The following KANSL1 variants were observed in gnomAD, a reference collection of about 807,000 sequenced individuals.
The protein encoded by KANSL1 is MLL1/MLL complex subunit KANSL1.
In KANSL1, 22 loss-of-function variants were observed where a neutral mutation model predicts 103.6. That is an observed-to-expected ratio of 0.21 (90% confidence interval 0.15 to 0.30). The LOEUF (loss-of-function observed/expected upper bound fraction) is 0.30. Ranked by LOEUF, KANSL1 falls within the 10% of genes least tolerant of loss-of-function variation. The pLI is 1.00. For synonymous variants in KANSL1, 600 were observed against 527.6 expected (o/e 1.14, Z -1.88); for missense variants, 1,337 against 1,399.8 (o/e 0.96, Z 0.72).
intron 1 of KANSL1, among the ~76,000 whole-genome samples, chr17:46,188,258 C>T (rs1486290187): frequency 6.6e-6 from 1 of 152,250 alleles, no homozygotes; most frequent in Admixed American, 6.5e-5. Context: ...CTAATTCATA[C>T]TGTCTTCTAC....
intron 1 of KANSL1, among the ~76,000 whole-genome samples, chr17:46,208,953 T>G (rs200385081): frequency 3.3e-5 from 5 of 151,972 alleles, no homozygotes; most frequent in African/African-American, 7.3e-5. Context: ...GGCGGATCAT[T>G]TGAGGTCAGG....
At chr17:46,166,744 G>A (rs2046020796) in intron 2 of KANSL1, among the ~76,000 whole-genome samples, 1 of 152,158 alleles carries the variant, frequency 6.6e-6, no homozygotes, top group Non-Finnish European at 1.5e-5. Flanking sequence ...AAAGGTACAA[G>A]CTTAGCTCTA....
chr17:46,036,251 T>C (rs2077146194), intron 10 of KANSL1, among the ~76,000 whole-genome samples: 1 of 152,150 alleles, frequency 6.6e-6, no homozygotes, highest in Non-Finnish European at 1.5e-5. Flanking sequence ...TTTTGTTTTT[T>C]AAAGCTGCTG....
At chr17:46,206,229 A>G (rs2047966092) in intron 1 of KANSL1, among the ~76,000 whole-genome samples, 1 of 152,346 alleles carries the variant, frequency 6.6e-6, no homozygotes, top group Middle Eastern at 3.4e-3. Context: ...AGAAATTTGA[A>G]TAGGAAAAAC....
chr17:46,084,382 C>T (rs1167873908), intron 3 of KANSL1, among the ~76,000 whole-genome samples: 1 of 112,142 alleles, frequency 8.9e-6, no homozygotes, highest in Non-Finnish European at 2.4e-5. Flanking sequence ...GCTCTATCTC[C>T]AACAACAACA....
chr17:46,056,995 G>C (rs2077955071), intron 6 of KANSL1, among the ~76,000 whole-genome samples: 1 of 152,126 alleles, frequency 6.6e-6, no homozygotes, highest in Non-Finnish European at 1.5e-5. Flanking sequence ...AAATCACTGA[G>C]AACCATGAGG....
At chr17:46,087,958 A>G (rs1288813134) in intron 3 of KANSL1, among the ~76,000 whole-genome samples, 1 of 152,238 alleles carries the variant, frequency 6.6e-6, no homozygotes, top group Non-Finnish European at 1.5e-5. Flanking sequence ...AGTGTTGAAT[A>G]GCTGTGCCAT....
rs144077437 is a variant in KANSL1, at chr17:46,048,443, G to A, written c.2020+2090C>T. Among the ~76,000 whole-genome samples, 110 of 152,082 alleles carry A rather than the reference G, an allele frequency of 7.2e-4. 1 individual carries two copies. The East Asian group carries it at 0.019, about 27-fold the overall frequency. On this transcript the variant is annotated intron_variant, in intron 7 of 14. Transcript: ENST00000432791. ...AAATTAGCCAGGCGTGGTGGCATAC[G>A]ACTGTAGTCCCAGCTACTTGGGAGG... is the stretch of plus-strand genomic sequence containing the variant.
intron 2 of KANSL1, among the ~76,000 whole-genome samples, chr17:46,138,572 A>G (rs1023577503): frequency 4.6e-5 from 7 of 152,244 alleles, no homozygotes; most frequent in African/African-American, 1.7e-4. Flanking sequence ...CTGAAGGATA[A>G]CTGTATAATG....
At chr17:46,035,509 C>CT (rs1423545813) in intron 10 of KANSL1, 3 of 152,218 alleles carry the variant, frequency 2.0e-5, no homozygotes, top group African/African-American at 4.8e-5. Flanking sequence ...ATTTCTTTCT[C>CT]TATCAAATCA....
At chr17:46,055,401 G>A (rs765982352) in intron 6 of KANSL1, among the ~76,000 whole-genome samples, 17 of 151,066 alleles carry the variant, frequency 1.1e-4, no homozygotes, top group African/African-American at 2.9e-4. Context: ...GGAGGCAGAC[G>A]TTACAGTGAG....
At chr17:46,205,897 G>T (rs542898717) in intron 1 of KANSL1, among the ~76,000 whole-genome samples, 96 of 152,004 alleles carry the variant, frequency 6.3e-4, no homozygotes, top group African/African-American at 2.2e-3. Flanking sequence ...AGGCAACATG[G>T]CAAGAACTCA....
In KANSL1 at chr17:46,050,583, C is replaced by T. The variant is rs2077676783; in HGVS notation, c.1970G>A (p.Arg657His). The change falls in exon 7 of 15, where the codon CGT becomes CAT. Residue 657 changes from arginine to histidine, a missense_variant. Around this residue, in one of 2 missense-constraint regions of KANSL1, gnomAD observed 780 missense variants for 923.4 expected, o/e 0.84. Coordinates refer to ENST00000432791, the MANE Select transcript of KANSL1 (RefSeq NM_015443.4). ...EIHYEAPLLE[R>H]LSQLDSCVHP... ...AACACAAGAGTCCAACTGGGAAAGA[C>T]GTTCCAACAGAGGGGCTTCATAGTG... is the stretch of plus-strand genomic sequence containing the variant. 1.2e-6 allele frequency: 2 copies of T among 1,614,160 alleles called. No homozygotes were observed. The highest frequency in any genetic ancestry group is 1.7e-5 in the Admixed American group (1 of 60,014).
Position 46,033,380 on chromosome 17 carries a change from T to C in KANSL1, c.2724+23A>G, listed in dbSNP as rs544544589. On this transcript the variant is annotated intron_variant, in intron 12 of 14. Transcript: ENST00000432791. Reference sequence around the variant, plus strand: ...GTGCATGTGTACACACGTGTTCTTCTAACAGAAGAACCAGGCCATTACCTC... The same window carrying C: ...GTGCATGTGTACACACGTGTTCTTCCAACAGAAGAACCAGGCCATTACCTC... 89 of 1,611,966 alleles carry C rather than the reference T, an allele frequency of 5.5e-5. No individual in the cohort carries two copies. The East Asian group carries it at 1.9e-3, about 35-fold the overall frequency.
intron 7 of KANSL1, chr17:46,043,205 G>A (rs1210543848): frequency 1.3e-5 from 2 of 151,936 alleles, no homozygotes; most frequent in African/African-American, 4.8e-5. Context: ...CAAAGGCTGT[G>A]TATGTTTTGT....
chr17:46,077,825 T>C (rs976463772), intron 4 of KANSL1, among the ~76,000 whole-genome samples: 9 of 152,206 alleles, frequency 5.9e-5, no homozygotes, highest in Non-Finnish European at 1.0e-4. Flanking sequence ...CCCAAAGTAC[T>C]GGGATTACAG....
At chr17:46,124,141 G>T (rs2043409186) in intron 2 of KANSL1, among the ~76,000 whole-genome samples, 1 of 152,226 alleles carries the variant, frequency 6.6e-6, no homozygotes, top group Non-Finnish European at 1.5e-5. Context: ...GCTCATGCCT[G>T]TAATCCCAGC....
At chr17:46,184,362 G>A (rs1286909381) in intron 1 of KANSL1, among the ~76,000 whole-genome samples, 5 of 152,196 alleles carry the variant, frequency 3.3e-5, no homozygotes, top group Non-Finnish European at 1.5e-5. Context: ...AGTAATTCAG[G>A]CAGTAATAAT....
At chr17:46,087,982 A>G (rs1204693787) in intron 3 of KANSL1, among the ~76,000 whole-genome samples, 2 of 152,354 alleles carry the variant, frequency 1.3e-5, no homozygotes, top group South Asian at 2.1e-4. Flanking sequence ...CCTGGTGGCA[A>G]TAAACTTAGG....
Sources: gnomAD v4.1 joint callset for allele counts (sites outside exome capture counted in the v4.1 genomes callset) on GRCh38, gnomAD v4.1.1 for gene constraint, gnomAD v4.1.1 regional missense constraint, MANE v1.5 for transcripts, NCBI Gene and HGNC (gene_info 2026-07-23, HGNC 2026-07-21) for gene names.